The following STXBP4 variants were observed in gnomAD, a reference collection of about 807,000 sequenced individuals.
STXBP4 encodes the protein syntaxin-binding protein 4.
STXBP4 carries 55 observed loss-of-function variants against 76.1 expected under a neutral mutation model. The ratio of observed to expected loss-of-function variants is 0.72; its 90% CI spans 0.58 to 0.91. STXBP4 has a LOEUF of 0.91. Ranked by LOEUF, STXBP4 falls within the 40% of genes least tolerant of loss-of-function variation. The probability of loss-of-function intolerance (pLI) is 0.00; values close to 1 mark genes in which losing one functional copy is unlikely to be tolerated. For synonymous variants in STXBP4, 201 were observed against 220.2 expected (o/e 0.91, Z 0.77); for missense variants, 618 against 636.9 (o/e 0.97, Z 0.32).
At chr17:55,159,333 T>TTAA (rs1297260220) in intron 17 of STXBP4, among the ~76,000 whole-genome samples, 12 of 152,340 alleles carry the variant, frequency 7.9e-5, no homozygotes, top group African/African-American at 2.4e-4. Flanking sequence ...TTTCATTGAA[T>TTAA]GTTTAGCAAG....
chr17:55,078,648 A>G (rs2079218366), intron 14 of STXBP4, 38 bp from the exon 15 acceptor site: 1 of 1,313,984 alleles, frequency 7.6e-7, no homozygotes, highest in Non-Finnish European at 1.1e-6. Context: ...AAAACTGTCA[A>G]ACTGATATAT....
At chr17:55,190,159 C>T in the STXBP4 span, among the ~76,000 whole-genome samples, 2 of 152,270 alleles carry the variant, frequency 1.3e-5, no homozygotes, top group Non-Finnish European at 2.9e-5. Flanking sequence ...TAGTGAATCA[C>T]TTTAATTCTA....
Position 55,111,784 on chromosome 17 carries a change from G to A in STXBP4, c.1490-29526G>A, listed in dbSNP as rs1320047438. The stretch of plus-strand genomic sequence containing the variant: ...TTTTTTCTTTATTATAAATTTCCCA[G>A]CCTCAGGTATTCCTTTATAGCAACA... On this transcript the variant is annotated intron_variant, in intron 16 of 17. Coordinates refer to ENST00000376352, the MANE Select transcript of STXBP4 (RefSeq NM_178509.6). Among the ~76,000 whole-genome samples, 3 of 152,124 alleles carry A rather than the reference G, an allele frequency of 2.0e-5. No individual in the cohort carries two copies. The East Asian group carries it at 5.8e-4, about 29-fold the overall frequency.
intron 16 of STXBP4, among the ~76,000 whole-genome samples, chr17:55,127,674 A>C (rs750922579): frequency 6.6e-6 from 1 of 152,200 alleles, no homozygotes; most frequent in African/African-American, 2.4e-5. Context: ...ATAACCCTCT[A>C]TGAAGGTGTT....
chr17:55,014,845 T>G (rs2078176742), intron 8 of STXBP4, among the ~76,000 whole-genome samples: 1 of 152,168 alleles, frequency 6.6e-6, no homozygotes, highest in Non-Finnish European at 1.5e-5. Context: ...GGCATTCAAT[T>G]TGCCCAGCTT....
At chr17:55,006,260 T>C (rs943111584) in intron 7 of STXBP4, among the ~76,000 whole-genome samples, 8 of 152,190 alleles carry the variant, frequency 5.3e-5, no homozygotes, top group Admixed American at 1.3e-4. Context: ...TAAGGATGTG[T>C]TAAAGGTTTA....
intron 9 of STXBP4, among the ~76,000 whole-genome samples, chr17:55,033,008 A>G (rs1294800614): frequency 1.3e-5 from 2 of 152,188 alleles, no homozygotes; most frequent in African/African-American, 2.4e-5. Context: ...CATAAAATAT[A>G]GAACCCAAAA....
intron 16 of STXBP4, among the ~76,000 whole-genome samples, chr17:55,095,183 C>G (rs1346152360): frequency 5.3e-5 from 8 of 151,984 alleles, no homozygotes; most frequent in African/African-American, 1.9e-4. Flanking sequence ...AGCACAAAGG[C>G]AGAAAAAATG....
At position 55,161,723 on chromosome 17, in the gene STXBP4, TG is replaced by T. The variant is rs1336820463; in HGVS notation, c.*1813del. The T allele has an allele frequency of 3.3e-5, 5 of 152,234 alleles. No individual in the cohort carries two copies. The highest frequency in any genetic ancestry group is 5.9e-5 in the Non-Finnish European group (4 of 68,044). 9.4% of individuals were successfully genotyped at this position (152,234 alleles called of 1,614,324 possible). On this transcript the variant is annotated 3_prime_UTR_variant, in exon 18 of 18. Transcript: ENST00000376352. ...TAATGATATTATTTATTGGGCATTT[TG>T]TGCCATACATGGTGATGAGCAGTTT...
At chr17:54,971,706 T>G (rs1005107454) in intron 1 of STXBP4, among the ~76,000 whole-genome samples, 1 of 152,238 alleles carries the variant, frequency 6.6e-6, no homozygotes, top group African/African-American at 2.4e-5. Context: ...GGATTACTCG[T>G]TGATTTTAGT....
chr17:55,155,299 C>T (rs2080264656), intron 17 of STXBP4, among the ~76,000 whole-genome samples: 1 of 152,076 alleles, frequency 6.6e-6, no homozygotes, highest in Admixed American at 6.6e-5. Context: ...ACAAGGTTCA[C>T]CTTGTGTTCC....
At chr17:55,075,993 G>A (rs1486147703) in intron 13 of STXBP4, among the ~76,000 whole-genome samples, 1 of 152,092 alleles carries the variant, frequency 6.6e-6, no homozygotes, top group African/African-American at 2.4e-5. Flanking sequence ...TCTGTGAAAT[G>A]CTTCTTCATA....
the STXBP4 span, among the ~76,000 whole-genome samples, chr17:55,203,027 G>A: frequency 6.6e-6 from 1 of 152,134 alleles, no homozygotes; most frequent in African/African-American, 2.4e-5. Flanking sequence ...GCTGGAAGTT[G>A]TATTTCCTGG....
chr17:55,201,104 GA>G, the STXBP4 span, among the ~76,000 whole-genome samples: 26 of 152,268 alleles, frequency 1.7e-4, no homozygotes, highest in African/African-American at 6.0e-4. Context: ...TGCCAAAGTT[GA>G]TTTTTTTGAC....
At chr17:54,997,966 A>C (rs940083218) in intron 4 of STXBP4, among the ~76,000 whole-genome samples, 3 of 151,946 alleles carry the variant, frequency 2.0e-5, no homozygotes, top group African/African-American at 4.8e-5. Flanking sequence ...GGATAGGGTC[A>C]TTATGCATCT....
intron 12 of STXBP4, among the ~76,000 whole-genome samples, chr17:55,064,647 C>T (rs1330781294): frequency 1.3e-5 from 2 of 148,876 alleles, no homozygotes; most frequent in Non-Finnish European, 3.0e-5. Flanking sequence ...GCACGCCACC[C>T]GCCACCCGCC....
the STXBP4 span, among the ~76,000 whole-genome samples, chr17:55,204,946 A>ACC: frequency 6.6e-6 from 1 of 152,120 alleles, no homozygotes; most frequent in Admixed American, 6.6e-5. Context: ...TTCAAGAACT[A>ACC]TTGAATAACT....
At chr17:55,133,856 A>T (rs949261117) in intron 16 of STXBP4, among the ~76,000 whole-genome samples, 2 of 152,214 alleles carry the variant, frequency 1.3e-5, no homozygotes, top group African/African-American at 4.8e-5. Context: ...GTTGATTTAA[A>T]AGAGAATAAA....
chr17:55,019,812 G>A (rs769785323), intron 8 of STXBP4, among the ~76,000 whole-genome samples: 6 of 151,984 alleles, frequency 3.9e-5, no homozygotes, highest in East Asian at 3.9e-4. Context: ...CACAGTTATC[G>A]TCTCTAAGAT....
Sources: gnomAD v4.1 joint callset for allele counts (sites outside exome capture counted in the v4.1 genomes callset) on GRCh38, gnomAD v4.1.1 for gene constraint, MANE v1.5 for transcripts, NCBI Gene and HGNC (gene_info 2026-07-23, HGNC 2026-07-21) for gene names.